The following LRBA variants were observed in gnomAD, a reference collection of about 807,000 sequenced individuals.
The protein encoded by LRBA is lipopolysaccharide-responsive and beige-like anchor protein.
A neutral mutation model predicts 330.0 loss-of-function variants in LRBA; 176 were observed. The observed-to-expected ratio is 0.53, with a 90% CI of 0.47 to 0.60. The LOEUF is 0.60. Ranked by LOEUF, LRBA falls within the 20% of genes least tolerant of loss-of-function variation. The pLI, the probability that LRBA is intolerant of heterozygous loss-of-function variation, is 0.00. For synonymous variants in LRBA, 1,230 were observed against 1,193.0 expected (o/e 1.03, Z -0.64); for missense variants, 3,259 against 3,444.8 (o/e 0.95, Z 1.35).
chr4:150,515,301 G>A (rs370506788), intron 40 of LRBA, among the ~76,000 whole-genome samples: 1 of 152,030 alleles, frequency 6.6e-6, no homozygotes, highest in African/African-American at 2.4e-5. Flanking sequence ...AAATTAAAAG[G>A]AAAACATTGC....
rs577335783 is a variant in LRBA at position 150,881,165 on chromosome 4, G to A, written c.2166-8410C>T. On this transcript the variant is annotated intron_variant, in intron 17 of 56. Transcript: ENST00000651943. The stretch of plus-strand genomic sequence containing the variant: ...CATTCAACTCAGCAATTTTATTACC[G>A]GGTACATATCCAAAATAAAATAAAT... 2.6e-5 allele frequency among the ~76,000 whole-genome samples: 4 copies of A among 152,184 alleles called. No homozygotes were observed. The South Asian group carries it at 6.2e-4, about 24-fold the overall frequency.
chr4:150,501,646 T>C (rs1760289345), intron 40 of LRBA, among the ~76,000 whole-genome samples: 1 of 150,494 alleles, frequency 6.6e-6, no homozygotes, highest in African/African-American at 2.4e-5. Flanking sequence ...TGGGAACACA[T>C]GAACATAAAC....
At chr4:150,420,072 C>CA (rs1473215668) in intron 46 of LRBA, among the ~76,000 whole-genome samples, 5 of 150,246 alleles carry the variant, frequency 3.3e-5, no homozygotes, top group Admixed American at 6.6e-5. Context: ...CCCGTCTCTA[C>CA]AAAAAAATTA....
At chr4:150,511,154 G>A (rs930963828) in intron 40 of LRBA, among the ~76,000 whole-genome samples, 1 of 152,134 alleles carries the variant, frequency 6.6e-6, no homozygotes, top group Admixed American at 6.5e-5. Flanking sequence ...CTCCATGCCT[G>A]GCCTAACCTC....
At chr4:150,386,437 G>T (rs1286278326) in intron 47 of LRBA, among the ~76,000 whole-genome samples, 1 of 117,870 alleles carries the variant, frequency 8.5e-6, no homozygotes, top group Non-Finnish European at 1.7e-5. Flanking sequence ...CCTCCAAGAG[G>T]CCCCAGTGTG....
chr4:150,459,713 T>C (rs1159631242), intron 44 of LRBA, among the ~76,000 whole-genome samples: 1 of 151,870 alleles, frequency 6.6e-6, no homozygotes, highest in Non-Finnish European at 1.5e-5. Context: ...CTGCAAACTT[T>C]CCAAGGCCAG....
At chr4:150,933,244 C>T (rs371253020) in intron 2 of LRBA, among the ~76,000 whole-genome samples, 16 of 151,556 alleles carry the variant, frequency 1.1e-4, no homozygotes, top group African/African-American at 3.6e-4. Flanking sequence ...AAAAATTAGC[C>T]AGGCATGGTG....
rs1560800096 is a variant in LRBA at position 150,775,477 on chromosome 4, AC to A, written c.5581-13631del. On this transcript the variant is annotated intron_variant, in intron 34 of 56. Coordinates refer to ENST00000651943, the MANE Select transcript of LRBA (RefSeq NM_001364905.1). ...AACACACACACACACACACACACAC[AC>A]ACACACACACACACACACACACACA... Among the ~76,000 whole-genome samples, 13 of 151,254 alleles carry A rather than the reference AC, an allele frequency of 8.6e-5. No individual in the cohort carries two copies. The East Asian group carries it at 1.6e-3, about 18-fold the overall frequency.
chr4:150,511,009 C>T (rs1761769661), intron 40 of LRBA, among the ~76,000 whole-genome samples: 1 of 152,132 alleles, frequency 6.6e-6, no homozygotes. Context: ...GCACGTGCCA[C>T]CATGCCTGGC....
chr4:150,721,588 T>C (rs1728943024), intron 36 of LRBA: 1 of 173,084 alleles, frequency 5.8e-6, no homozygotes, highest in African/African-American at 2.4e-5. Context: ...ATACAGAAAT[T>C]GTAGAACAAA....
At chr4:150,774,248 T>C (rs979590397) in intron 34 of LRBA, among the ~76,000 whole-genome samples, 2 of 152,194 alleles carry the variant, frequency 1.3e-5, no homozygotes, top group Non-Finnish European at 2.9e-5. Flanking sequence ...TCTGTGACTA[T>C]GAAAGATTAG....
chr4:150,676,534 G>A (rs1782574564), intron 37 of LRBA, among the ~76,000 whole-genome samples: 1 of 152,116 alleles, frequency 6.6e-6, no homozygotes, highest in African/African-American at 2.4e-5. Context: ...TCAAATATCA[G>A]CTATTATAAC....
intron 26 of LRBA, among the ~76,000 whole-genome samples, chr4:150,846,301 C>G (rs1249470562): frequency 2.0e-5 from 3 of 151,742 alleles, no homozygotes; most frequent in African/African-American, 7.3e-5. Flanking sequence ...GAGGCCGAGG[C>G]GGGGGGATCA....
intron 53 of LRBA, among the ~76,000 whole-genome samples, chr4:150,295,212 T>A (rs935810009): frequency 6.7e-6 from 1 of 149,356 alleles, no homozygotes; most frequent in Non-Finnish European, 1.5e-5. Context: ...TTTTTTTTTT[T>A]TTTTTTTAAG....
intron 2 of LRBA, among the ~76,000 whole-genome samples, chr4:150,963,880 C>T (rs1379155670): frequency 6.8e-6 from 1 of 148,054 alleles, no homozygotes; most frequent in Non-Finnish European, 1.5e-5. Flanking sequence ...GGCCGCCCAT[C>T]ATCTGGGATG....
intron 28 of LRBA, among the ~76,000 whole-genome samples, chr4:150,842,793 C>T (rs911257052): frequency 6.6e-6 from 1 of 152,032 alleles, no homozygotes; most frequent in African/African-American, 2.4e-5. Flanking sequence ...CTAACTCCCT[C>T]ATAGAATTAT....
At chr4:150,980,173 T>C (rs1740678002) in intron 2 of LRBA, among the ~76,000 whole-genome samples, 1 of 152,038 alleles carries the variant, frequency 6.6e-6, no homozygotes, top group African/African-American at 2.4e-5. Flanking sequence ...GTTCAACATA[T>C]GCAAATCAAT....
intron 40 of LRBA, among the ~76,000 whole-genome samples, chr4:150,570,257 T>C (rs1208205212): frequency 2.0e-5 from 3 of 152,010 alleles, no homozygotes; most frequent in East Asian, 1.9e-4. Context: ...TGGAGAACAA[T>C]AGGGGGCTAA....
rs542571465 is a variant in LRBA at position 150,459,066 on chromosome 4, T to C, written c.6780+8607A>G. On this transcript the variant is annotated intron_variant, in intron 44 of 56. Transcript: ENST00000651943. ...CCTAAATGTTTTATTTTTTTAGGTGTTTTCTTTTGAGCCAGTGAATATGTC... is the reference window on the plus strand; with the variant it reads ...CCTAAATGTTTTATTTTTTTAGGTGCTTTCTTTTGAGCCAGTGAATATGTC... Among the ~76,000 whole-genome samples, 9 of 152,042 alleles carry C rather than the reference T, an allele frequency of 5.9e-5. 1 individual carries two copies. The highest frequency in any genetic ancestry group is 5.9e-4 in the Admixed American group (9 of 15,224).
Sources: allele counts gnomAD v4.1 joint callset (sites outside exome capture counted in the v4.1 genomes callset), GRCh38; gene constraint gnomAD v4.1.1; transcripts MANE v1.5; gene names NCBI Gene and HGNC (gene_info 2026-07-23, HGNC 2026-07-21).